BLTP1: variants seen among roughly 807,000 people sequenced by gnomAD.
BLTP1 encodes bridge-like lipid transfer protein family member 1, also known as fragile site-associated protein.
chr4:122,325,191 G>A, the BLTP1 span: 1 of 1,540,304 alleles, frequency 6.5e-7, no homozygotes, highest in Non-Finnish European at 8.8e-7. Flanking sequence ...TTTTTTTAAT[G>A]AGAATATTGG....
the BLTP1 span, among the ~76,000 whole-genome samples, chr4:122,243,240 C>T: frequency 6.6e-6 from 1 of 152,132 alleles, no homozygotes; most frequent in Non-Finnish European, 1.5e-5. Context: ...TATAAGTAGT[C>T]AGTAGCATTT....
the BLTP1 span, chr4:122,235,102 A>C: frequency 8.4e-7 from 1 of 1,196,598 alleles, no homozygotes. Context: ...TTCAGTGTTA[A>C]CTCTGTTCAA....
the BLTP1 span, among the ~76,000 whole-genome samples, chr4:122,286,155 T>A: frequency 6.6e-6 from 1 of 152,206 alleles, no homozygotes; most frequent in African/African-American, 2.4e-5. Flanking sequence ...CTACCTACTA[T>A]TCTCTGTGAA....
chr4:122,340,903 A>C, the BLTP1 span: 271 of 852,972 alleles, frequency 3.2e-4, 6 homozygotes, highest in East Asian at 0.012. Flanking sequence ...GTTGTCAGCG[A>C]TAACACTACA....
the BLTP1 span, among the ~76,000 whole-genome samples, chr4:122,315,981 A>G: frequency 2.0e-5 from 3 of 152,154 alleles, no homozygotes; most frequent in African/African-American, 7.2e-5. Flanking sequence ...AACAGGTATG[A>G]GGTTTCTGAG....
the BLTP1 span, chr4:122,289,455 C>T: frequency 2.1e-6 from 2 of 969,482 alleles, no homozygotes; most frequent in Non-Finnish European, 2.5e-6. Flanking sequence ...GAAAAGCTTA[C>T]AGTATGTCTA....
At chr4:122,215,075 A>G in the BLTP1 span, among the ~76,000 whole-genome samples, 2 of 152,242 alleles carry the variant, frequency 1.3e-5, no homozygotes, top group Admixed American at 6.5e-5. Flanking sequence ...GTAACTACAA[A>G]TGTATTAACT....
At chr4:122,249,889 G>T in the BLTP1 span, 6 of 984,814 alleles carry the variant, frequency 6.1e-6, no homozygotes, top group Non-Finnish European at 7.2e-6. Flanking sequence ...TCCAAAGTAG[G>T]TAGAGCTTGA....
the BLTP1 span, among the ~76,000 whole-genome samples, chr4:122,332,718 T>C: frequency 1.2e-4 from 18 of 145,042 alleles, no homozygotes; most frequent in African/African-American, 4.6e-4. Context: ...GCCATGCTGG[T>C]GTGCTGCACC....
chr4:122,207,044 CTG>C, the BLTP1 span: 19 of 1,438,502 alleles, frequency 1.3e-5, no homozygotes, highest in East Asian at 1.2e-4. Context: ...GTTAGAAAAT[CTG>C]TGTTTTACTT....
chr4:122,223,941 GAAT>G, the BLTP1 span: 139 of 897,822 alleles, frequency 1.5e-4, 1 homozygote, highest in East Asian at 5.2e-3. Context: ...TTATTTCTCT[GAAT>G]ACGTTAGAAA....
chr4:122,173,010 A>G, the BLTP1 span: 13 of 1,611,874 alleles, frequency 8.1e-6, no homozygotes, highest in Admixed American at 1.7e-5. Context: ...AAATCCTATT[A>G]TTTCTGATTT....
At chr4:122,229,780 A>G in the BLTP1 span, 6 of 1,325,718 alleles carry the variant, frequency 4.5e-6, no homozygotes, top group Non-Finnish European at 9.7e-7. Context: ...TCCCTTTCCC[A>G]TTTTTTCCTT....
At chr4:122,209,728 A>G in the BLTP1 span, 2 of 1,466,872 alleles carry the variant, frequency 1.4e-6, no homozygotes, top group Non-Finnish European at 1.8e-6. Context: ...TCAAAAAATA[A>G]TAATAAAATT....
At chr4:122,165,515 T>C in the BLTP1 span, among the ~76,000 whole-genome samples, 1 of 133,148 alleles carries the variant, frequency 7.5e-6, no homozygotes, top group Non-Finnish European at 1.7e-5. Flanking sequence ...CTATTGTGAA[T>C]AGTGCCGCAA....
At chr4:122,255,105 A>T in the BLTP1 span, 28 of 1,586,976 alleles carry the variant, frequency 1.8e-5, no homozygotes, top group African/African-American at 2.3e-4. Flanking sequence ...TATCACTCTA[A>T]ATCTATTGTT....
chr4:122,254,622 C>A, the BLTP1 span: 1 of 821,452 alleles, frequency 1.2e-6, no homozygotes, highest in Non-Finnish European at 1.4e-6. Flanking sequence ...TTTTTTCTTT[C>A]TTTTCTATTG....
chr4:122,169,828 G>C, the BLTP1 span: 1 of 984,992 alleles, frequency 1.0e-6, no homozygotes, highest in Non-Finnish European at 1.2e-6. Context: ...AGACTACCTA[G>C]AGTGAATCTG....
chr4:122,227,948 C>G, the BLTP1 span, among the ~76,000 whole-genome samples: 1 of 143,162 alleles, frequency 7.0e-6, no homozygotes, highest in Non-Finnish European at 1.5e-5. Flanking sequence ...GAGTCTTGCT[C>G]TGTCGCCCAG....
Sources: allele counts gnomAD v4.1 joint callset (sites outside exome capture counted in the v4.1 genomes callset), GRCh38; gene constraint gnomAD v4.1.1; transcripts MANE v1.5; gene names NCBI Gene and HGNC (gene_info 2026-07-23, HGNC 2026-07-21).